KIF26B: variants seen among roughly 807,000 people sequenced by gnomAD.
The protein encoded by KIF26B is kinesin family member 26B.
KIF26B carries 63 observed loss-of-function variants against 151.2 expected under a neutral mutation model. The observed-to-expected ratio is 0.42, with a 90% CI of 0.34 to 0.51. KIF26B has a LOEUF of 0.51. KIF26B is among the 20% of genes least tolerant of loss of function. The pLI, the probability that KIF26B is intolerant of heterozygous loss-of-function variation, is 0.07. For missense variants in KIF26B, 2,813 were observed against 2,913.6 expected, an observed-to-expected ratio of 0.97 and a Z score of 0.79; for synonymous variants, 1,357 against 1,262.1, an observed-to-expected ratio of 1.08 and a Z score of -1.59.
At chr1:245,368,825 T>C (rs1673025062) in intron 3 of KIF26B, among the ~76,000 whole-genome samples, 1 of 152,128 alleles carries the variant, frequency 6.6e-6, no homozygotes, top group African/African-American at 2.4e-5. Flanking sequence ...TGCTTACATC[T>C]ATATTCCAGT....
chr1:245,280,417 G>C (rs532577954), intron 2 of KIF26B, among the ~76,000 whole-genome samples: 3 of 148,672 alleles, frequency 2.0e-5, no homozygotes, highest in Non-Finnish European at 4.5e-5. Context: ...TATACTCCCA[G>C]TTGCTCGGGA....
intron 4 of KIF26B, among the ~76,000 whole-genome samples, chr1:245,533,378 A>G (rs1474892694): frequency 6.6e-6 from 1 of 152,048 alleles, no homozygotes; most frequent in Non-Finnish European, 1.5e-5. Flanking sequence ...CTCACCCATC[A>G]ATTACCTGGG....
intron 4 of KIF26B, among the ~76,000 whole-genome samples, chr1:245,527,755 G>C (rs1421012361): frequency 6.6e-6 from 1 of 151,566 alleles, no homozygotes; most frequent in African/African-American, 2.4e-5. Flanking sequence ...GGATGGTCTC[G>C]ATCTCCTGAC....
chr1:245,383,052 T>C (rs1158815949), intron 3 of KIF26B, among the ~76,000 whole-genome samples: 28 of 146,868 alleles, frequency 1.9e-4, no homozygotes, highest in African/African-American at 2.3e-4. Context: ...TATATATATA[T>C]ACAGAGAGAG....
intron 3 of KIF26B, among the ~76,000 whole-genome samples, chr1:245,405,079 A>G (rs527500908): frequency 2.0e-5 from 3 of 152,250 alleles, no homozygotes; most frequent in Non-Finnish European, 4.4e-5. Flanking sequence ...TGGGTAAACC[A>G]GTTTAGAAAA....
intron 2 of KIF26B, among the ~76,000 whole-genome samples, chr1:245,226,467 T>TTG (rs938834621): frequency 6.6e-6 from 1 of 152,084 alleles, no homozygotes; most frequent in African/African-American, 2.4e-5. Flanking sequence ...TCTTTTTTTT[T>TTG]TTGTTTTTTT....
rs1672593621 is a variant in KIF26B, at chr1:245,352,651, T to C, written c.466-14183T>C. ...CTTTTTTGGACCACAACAATCACTTTACGAACATTTTTTTAACTTTTTCAG... is the reference window on the plus strand; with the variant it reads ...CTTTTTTGGACCACAACAATCACTTCACGAACATTTTTTTAACTTTTTCAG... On this transcript the variant is annotated intron_variant, in intron 2 of 14. Coordinates refer to ENST00000407071, the MANE Select transcript of KIF26B (RefSeq NM_018012.4). This position sits in a 1 kb window ranked among gnomAD's most constrained non-coding sequence, Gnocchi z 5.0. Among the ~76,000 whole-genome samples, 1 of 151,666 alleles carries C rather than the reference T, an allele frequency of 6.6e-6. No individual in the cohort carries two copies. Among genetic ancestry groups the C allele is most frequent in the South Asian group, 2.1e-4 (1 of 4,816 alleles).
chr1:245,317,772 G>A (rs1015441680), intron 2 of KIF26B, among the ~76,000 whole-genome samples: 6 of 152,202 alleles, frequency 3.9e-5, no homozygotes, highest in South Asian at 2.1e-4. Context: ...TGTGCTGGGC[G>A]GGAAAGTACG....
intron 3 of KIF26B, among the ~76,000 whole-genome samples, chr1:245,377,056 A>AGGCAC (rs1322565247): frequency 6.6e-6 from 1 of 151,950 alleles, no homozygotes; most frequent in Non-Finnish European, 1.5e-5. Context: ...CTGAGATTAC[A>AGGCAC]GGCACGCATC....
chr1:245,525,056 G>C (rs550066085), intron 4 of KIF26B, among the ~76,000 whole-genome samples: 3 of 152,024 alleles, frequency 2.0e-5, no homozygotes, highest in African/African-American at 7.2e-5. Context: ...GATTTTCATG[G>C]ATCTGTCACG....
At chr1:245,185,473 T>C (rs181727139) in intron 2 of KIF26B, among the ~76,000 whole-genome samples, 35 of 152,208 alleles carry the variant, frequency 2.3e-4, no homozygotes, top group Admixed American at 2.0e-3. Flanking sequence ...AAGGTACAAG[T>C]TGTGTTGGGA....
chr1:245,288,952 C>T (rs1462401096), intron 2 of KIF26B, among the ~76,000 whole-genome samples: 1 of 152,040 alleles, frequency 6.6e-6, no homozygotes, highest in East Asian at 1.9e-4. Flanking sequence ...TTTTAAATAA[C>T]CTTCCATGCC....
intron 2 of KIF26B, among the ~76,000 whole-genome samples, chr1:245,202,480 C>G (rs866922861): frequency 6.6e-6 from 1 of 152,128 alleles, no homozygotes; most frequent in Non-Finnish European, 1.5e-5. Flanking sequence ...TTGAAGTGGC[C>G]GGGCGCAGTG....
chr1:245,577,860 C>T (rs1572137690), intron 5 of KIF26B, among the ~76,000 whole-genome samples: 3 of 148,706 alleles, frequency 2.0e-5, no homozygotes, highest in East Asian at 2.0e-4. Flanking sequence ...GAACTCCGGG[C>T]GATGCATCCC....
In KIF26B at chr1:245,155,083, G is replaced by C. The variant is rs4658708; in HGVS notation, c.-342G>C. 0.95 allele frequency: 458,742 copies of C among 485,140 alleles called. 217,029 individuals are homozygous for C. The highest frequency in any genetic ancestry group is 0.96 in the South Asian group (23,792 of 24,892). 30.1% of individuals were successfully genotyped at this position (485,140 alleles called of 1,614,324 possible). ...GCCGCGAGCCCTGATTGTATCCCTC[G>C]CTTTCCTCGTGGGGGAGCACGGACT... On this transcript the variant is annotated 5_prime_UTR_variant, in exon 1 of 15. Coordinates refer to ENST00000407071, the MANE Select transcript of KIF26B (RefSeq NM_018012.4).
intron 3 of KIF26B, among the ~76,000 whole-genome samples, chr1:245,374,278 C>T (rs1490052230): frequency 6.7e-6 from 1 of 148,996 alleles, no homozygotes. Flanking sequence ...GACTTCCAAG[C>T]GCCCCTGCAG....
chr1:245,528,143 C>T (rs917239817), intron 4 of KIF26B, among the ~76,000 whole-genome samples: 1 of 151,990 alleles, frequency 6.6e-6, no homozygotes, highest in Non-Finnish European at 1.5e-5. Flanking sequence ...ACACTGGCGC[C>T]GAGGCTTGCA....
At chr1:245,269,887 A>C (rs548018348) in intron 2 of KIF26B, among the ~76,000 whole-genome samples, 6 of 152,298 alleles carry the variant, frequency 3.9e-5, no homozygotes, top group African/African-American at 1.2e-4. Flanking sequence ...TGCTATCGTG[A>C]ACAGTGATGC....
intron 1 of KIF26B, 31 bp downstream of exon 1, chr1:245,155,518 G>A (rs377742075): frequency 4.4e-6 from 7 of 1,577,170 alleles, no homozygotes. Flanking sequence ...GCGGAGACGC[G>A]TTACCAGACC....
Sources: gnomAD v4.1 joint callset for allele counts (sites outside exome capture counted in the v4.1 genomes callset) on GRCh38, gnomAD v4.1.1 for gene constraint, Gnocchi (gnomAD v3.1) non-coding constraint, MANE v1.5 for transcripts, NCBI Gene and HGNC (gene_info 2026-07-23, HGNC 2026-07-21) for gene names.